TLN2: variants seen among roughly 807,000 people sequenced by gnomAD.
The protein encoded by TLN2 is talin 2.
Under a neutral mutation model 294.7 loss-of-function variants are expected in TLN2, and 118 were observed. The observed-to-expected ratio is 0.40, with a 90% CI of 0.34 to 0.47. The LOEUF (loss-of-function observed/expected upper bound fraction) is 0.47. TLN2 is among the 20% of genes least tolerant of loss of function. TLN2 has a pLI of 0.84. For synonymous variants in TLN2, 1,431 were observed against 1,304.5 expected (o/e 1.10, Z -2.09); for missense variants, 3,083 against 3,282.2 (o/e 0.94, Z 1.48).
chr15:62,768,024 T>C (rs983716279), intron 41 of TLN2, among the ~76,000 whole-genome samples: 2 of 152,210 alleles, frequency 1.3e-5, no homozygotes, highest in Non-Finnish European at 2.9e-5. Context: ...AAAGAGAATT[T>C]TGGACAGAGG....
At chr15:62,510,680 G>A (rs527326130) in intron 1 of TLN2, among the ~76,000 whole-genome samples, 1 of 152,234 alleles carries the variant, frequency 6.6e-6, no homozygotes, top group African/African-American at 2.4e-5. Context: ...TGTGGCAGGT[G>A]ACTGAGGGTT....
chr15:62,621,825 G>A (rs997963531), intron 3 of TLN2, among the ~76,000 whole-genome samples: 1 of 152,172 alleles, frequency 6.6e-6, no homozygotes, highest in Non-Finnish European at 1.5e-5. Flanking sequence ...TACTAAAAAG[G>A]AATGGCAAAA....
At chr15:62,668,890 C>T (rs929248222) in intron 9 of TLN2, among the ~76,000 whole-genome samples, 1 of 152,136 alleles carries the variant, frequency 6.6e-6, no homozygotes, top group Non-Finnish European at 1.5e-5. Context: ...GTTGGATAAT[C>T]CAAAAAGTCA....
chr15:62,502,524 C>T (rs893130618), intron 1 of TLN2, among the ~76,000 whole-genome samples: 16 of 151,962 alleles, frequency 1.1e-4, no homozygotes, highest in African/African-American at 3.9e-4. Context: ...GGTTTATTGC[C>T]GAGGCACTGG....
chr15:62,829,714 C>CTGTT (rs1389603679), intron 54 of TLN2: 4 of 152,202 alleles, frequency 2.6e-5, no homozygotes, highest in Non-Finnish European at 4.4e-5. Flanking sequence ...CATAGTCACC[C>CTGTT]TGTTGTGCTG....
At chr15:62,470,299 A>G (rs1430761936) in intron 1 of TLN2, among the ~76,000 whole-genome samples, 1 of 152,240 alleles carries the variant, frequency 6.6e-6, no homozygotes, top group Non-Finnish European at 1.5e-5. Flanking sequence ...CAGACAGTCA[A>G]CCGACCCGGG....
chr15:62,673,752 T>C (rs187456888), intron 9 of TLN2, 75 bp from the exon 10 acceptor site: 105 of 1,193,100 alleles, frequency 8.8e-5, no homozygotes, highest in Non-Finnish European at 1.2e-6. Context: ...CTATGAGTTT[T>C]ATTAAATGTC....
chr15:62,589,149 A>G lies in TLN2; in HGVS notation c.-237-538A>G, dbSNP rs190990311. Among the ~76,000 whole-genome samples, 226 of 152,146 alleles carry G rather than the reference A, an allele frequency of 1.5e-3. 2 individuals carry two copies. The highest frequency in any genetic ancestry group is 2.1e-4 in the Non-Finnish European group (14 of 67,994). Reference sequence around the variant, plus strand: ...TGGCTAGGCCATTTTGTTGATTTCTACAATTGATTATAGTGCTTCTCTGCT... The same window carrying G: ...TGGCTAGGCCATTTTGTTGATTTCTGCAATTGATTATAGTGCTTCTCTGCT... On this transcript the variant is annotated intron_variant, in intron 1 of 58. Transcript: ENST00000636159.
chr15:62,651,869 C>G, intron 5 of TLN2, 136 bp from the exon 6 acceptor site: 1 of 1,099,344 alleles, frequency 9.1e-7, no homozygotes, highest in South Asian at 2.4e-5. Context: ...GAAAGGTTTT[C>G]AAAGATGTTT....
intron 22 of TLN2, among the ~76,000 whole-genome samples, chr15:62,713,805 A>T (rs2059583075): frequency 6.6e-6 from 1 of 151,654 alleles, no homozygotes; most frequent in Non-Finnish European, 1.5e-5. Flanking sequence ...TGAAAGAGAG[A>T]CCCAGGGAGG....
intron 13 of TLN2, among the ~76,000 whole-genome samples, chr15:62,693,383 A>C (rs2058078022): frequency 6.6e-6 from 1 of 152,188 alleles, no homozygotes; most frequent in Admixed American, 6.5e-5. Context: ...ATCACTAATT[A>C]AGTGTGAGAT....
In TLN2 at chr15:62,439,664, C is replaced by G. The variant is rs1055774885; in HGVS notation, c.-238+48979C>G. Among the ~76,000 whole-genome samples the G allele has an allele frequency of 3.9e-5, 6 of 152,190 alleles. No homozygotes were observed. The East Asian group carries it at 5.8e-4, about 15-fold the overall frequency. ...AGCATGCCACCAGCCTCTGGAAGCCCCACAGTGAGAATAAATGTTTATTTC... is the reference window on the plus strand; with the variant it reads ...AGCATGCCACCAGCCTCTGGAAGCCGCACAGTGAGAATAAATGTTTATTTC... On this transcript the variant is annotated intron_variant, in intron 1 of 58. Transcript: ENST00000636159.
chr15:62,703,626 C>T (rs183991223), intron 19 of TLN2, among the ~76,000 whole-genome samples: 13 of 93,284 alleles, frequency 1.4e-4, no homozygotes, highest in South Asian at 3.9e-4. Flanking sequence ...CACACACGCG[C>T]GCACACACAC....
chr15:62,417,343 G>A (rs8031790), intron 1 of TLN2, among the ~76,000 whole-genome samples: 111,238 of 152,044 alleles, frequency 0.73, 41,793 homozygotes, highest in Middle Eastern at 0.87. Context: ...CATCAGCTTC[G>A]TTTCTGGGCT....
intron 1 of TLN2, among the ~76,000 whole-genome samples, chr15:62,418,004 C>T (rs1448526543): frequency 6.6e-6 from 1 of 152,202 alleles, no homozygotes; most frequent in Non-Finnish European, 1.5e-5. Context: ...TGTTGCTTTT[C>T]CCCCGCTTAT....
intron 46 of TLN2, among the ~76,000 whole-genome samples, chr15:62,793,873 C>T (rs1206509466): frequency 8.1e-6 from 1 of 122,796 alleles, no homozygotes; most frequent in Non-Finnish European, 1.9e-5. Flanking sequence ...GGACCCTCAA[C>T]TGGAAGCTGC....
At chr15:62,758,392 C>T (rs778105502) in intron 37 of TLN2, among the ~76,000 whole-genome samples, 4 of 152,252 alleles carry the variant, frequency 2.6e-5, no homozygotes, top group South Asian at 4.1e-4. Context: ...TCACCACATA[C>T]GCTGTTGCCT....
chr15:62,637,669 G>A (rs1395536905), intron 3 of TLN2: 1 of 152,264 alleles, frequency 6.6e-6, no homozygotes, highest in Non-Finnish European at 1.5e-5. Flanking sequence ...CTTCATTGCT[G>A]AGTGGTCATC....
Position 62,630,701 on chromosome 15 carries a change from CCTTT to C in TLN2, c.-37+12227_-37+12230del, listed in dbSNP as rs376424840. The stretch of plus-strand genomic sequence containing the variant: ...CCTGGTGATTTGAGTTCCACCGTTA[CCTTT>C]TTTTTTTGGCTTTCTGATTATGTAC... On this transcript the variant is annotated intron_variant, in intron 3 of 58. Transcript: ENST00000636159. Among the ~76,000 whole-genome samples, 47 of 151,862 alleles carry C rather than the reference CCTTT, an allele frequency of 3.1e-4. 1 individual carries two copies. The highest frequency in any genetic ancestry group is 1.0e-3 in the African/African-American group (43 of 41,432).
Sources: allele counts gnomAD v4.1 joint callset (sites outside exome capture counted in the v4.1 genomes callset), GRCh38; gene constraint gnomAD v4.1.1; transcripts MANE v1.5; gene names NCBI Gene and HGNC (gene_info 2026-07-23, HGNC 2026-07-21).